The following HTR1F variants were observed in gnomAD, a reference collection of about 807,000 sequenced individuals.
The protein encoded by HTR1F is 5-hydroxytryptamine receptor 1F.
A neutral mutation model predicts 24.0 loss-of-function variants in HTR1F; 17 were observed. The observed-to-expected ratio is 0.71, with a 90% confidence interval of 0.48 to 1.06. HTR1F has a LOEUF of 1.06. HTR1F is among the 50% of genes least tolerant of loss of function. The probability of loss-of-function intolerance (pLI) is 0.00; values close to 1 mark genes in which losing one functional copy is unlikely to be tolerated. For missense variants in HTR1F, 391 were observed against 427.8 expected (o/e 0.91, Z 0.76); for synonymous variants, 186 against 156.8 (o/e 1.19, Z -1.39).
intron 2 of HTR1F, among the ~76,000 whole-genome samples, chr3:87,869,511 A>G (rs1705509366): frequency 6.6e-6 from 1 of 151,282 alleles, no homozygotes; most frequent in Non-Finnish European, 1.5e-5. Context: ...GAACTGTTTT[A>G]TACAATTATG....
chr3:87,849,238 T>C (rs965459958), intron 2 of HTR1F, among the ~76,000 whole-genome samples: 1 of 151,542 alleles, frequency 6.6e-6, no homozygotes, highest in Non-Finnish European at 1.5e-5. Context: ...CAAAACAGCA[T>C]GGTACTGGTA....
chr3:87,881,065 C>T (rs1352929029), intron 2 of HTR1F, among the ~76,000 whole-genome samples: 1 of 152,170 alleles, frequency 6.6e-6, no homozygotes, highest in Non-Finnish European at 1.5e-5. Flanking sequence ...GTTCATCTCA[C>T]TGAGACTGGT....
chr3:87,805,326 T>C (rs1433345133), intron 1 of HTR1F, among the ~76,000 whole-genome samples: 1 of 152,026 alleles, frequency 6.6e-6, no homozygotes, highest in East Asian at 1.9e-4. Flanking sequence ...AATAGCAGTT[T>C]GAGTATAGAT....
At chr3:87,822,342 G>A (rs1164611110) in intron 2 of HTR1F, among the ~76,000 whole-genome samples, 1 of 152,124 alleles carries the variant, frequency 6.6e-6, no homozygotes, top group Non-Finnish European at 1.5e-5. Context: ...GGAGCCTATT[G>A]GAGGAAAATA....
intron 2 of HTR1F, among the ~76,000 whole-genome samples, chr3:87,835,836 G>A (rs1397292631): frequency 1.3e-5 from 2 of 152,032 alleles, no homozygotes; most frequent in Admixed American, 6.6e-5. Flanking sequence ...CTTTCCCTGG[G>A]CACTTATCAG....
At chr3:87,903,456 T>C (rs1380500845) in intron 2 of HTR1F, among the ~76,000 whole-genome samples, 1 of 151,876 alleles carries the variant, frequency 6.6e-6, no homozygotes, top group Non-Finnish European at 1.5e-5. Flanking sequence ...CATCAAAAAG[T>C]GGGCAAAGGA....
chr3:87,827,170 G>T (rs1280173922), intron 2 of HTR1F, among the ~76,000 whole-genome samples: 2 of 149,640 alleles, frequency 1.3e-5, no homozygotes, highest in African/African-American at 2.5e-5. Flanking sequence ...TGCAGAACAT[G>T]CAGGTTCATT....
chr3:87,913,028 G>A (rs961921693), intron 2 of HTR1F, among the ~76,000 whole-genome samples: 1 of 152,052 alleles, frequency 6.6e-6, no homozygotes, highest in Non-Finnish European at 1.5e-5. Context: ...CAGAGCAATA[G>A]GCAAATATTT....
intron 2 of HTR1F, among the ~76,000 whole-genome samples, chr3:87,870,264 T>C (rs1017934060): frequency 2.0e-5 from 3 of 152,134 alleles, no homozygotes; most frequent in Non-Finnish European, 4.4e-5. Context: ...TCATTATATC[T>C]CAAGGAATAT....
At chr3:87,973,476 G>A (rs893970778) in intron 2 of HTR1F, among the ~76,000 whole-genome samples, 2 of 152,144 alleles carry the variant, frequency 1.3e-5, no homozygotes, top group African/African-American at 2.4e-5. Flanking sequence ...TAAAACTCCA[G>A]TGTAACATCT....
At chr3:87,972,970 A>C (rs1705317057) in intron 2 of HTR1F, among the ~76,000 whole-genome samples, 1 of 150,632 alleles carries the variant, frequency 6.6e-6, no homozygotes, top group Admixed American at 6.7e-5. Flanking sequence ...TAGGAGTTCA[A>C]GACCAACCTG....
chr3:87,885,654 G>A (rs1189174048), intron 2 of HTR1F, among the ~76,000 whole-genome samples: 1 of 151,784 alleles, frequency 6.6e-6, no homozygotes, highest in East Asian at 1.9e-4. Context: ...ATGATAAAGG[G>A]GATATCACTA....
At chr3:87,890,111 T>G (rs537515583) in intron 2 of HTR1F, among the ~76,000 whole-genome samples, 1 of 152,336 alleles carries the variant, frequency 6.6e-6, no homozygotes, top group South Asian at 2.1e-4. Context: ...ATATAATACC[T>G]ATGCAGTGTG....
chr3:87,964,825 T>G (rs1029703198), intron 2 of HTR1F, among the ~76,000 whole-genome samples: 20 of 152,302 alleles, frequency 1.3e-4, no homozygotes, highest in African/African-American at 4.6e-4. Flanking sequence ...AAATCTCATC[T>G]TCACTGTAGC....
chr3:87,981,004 T>G (rs940435795), intron 2 of HTR1F, among the ~76,000 whole-genome samples: 8 of 151,032 alleles, frequency 5.3e-5, no homozygotes, highest in African/African-American at 2.0e-4. Flanking sequence ...CCTGGGGGGG[T>G]GGGGCTCCCA....
intron 2 of HTR1F, among the ~76,000 whole-genome samples, chr3:87,963,230 T>C (rs1259527982): frequency 1.3e-5 from 2 of 152,094 alleles, no homozygotes; most frequent in Non-Finnish European, 2.9e-5. Flanking sequence ...TCACAGTTGA[T>C]AATTTAATGT....
At chr3:87,950,907 G>A (rs1168601913) in intron 2 of HTR1F, among the ~76,000 whole-genome samples, 1 of 152,096 alleles carries the variant, frequency 6.6e-6, no homozygotes, top group Non-Finnish European at 1.5e-5. Flanking sequence ...TGCATTAAGG[G>A]TATTTAGACA....
In HTR1F at chr3:87,824,134, G is replaced by C. The variant is rs544662666; in HGVS notation, c.-43+2010G>C. On this transcript the variant is annotated intron_variant, in intron 2 of 2. Transcript: ENST00000319595. ...TATGATTTCTTACTTAGATATCAAA[G>C]AGCTATAAATCTCTCCCTGTATGTC... is the stretch of plus-strand genomic sequence containing the variant. 7.6e-4 allele frequency among the ~76,000 whole-genome samples: 116 copies of C among 151,732 alleles called. 2 individuals are homozygous for C. Among genetic ancestry groups the C allele is most frequent in the Non-Finnish European group, 2.6e-4 (18 of 67,960 alleles).
chr3:87,877,658 G>T (rs1431514589), intron 2 of HTR1F, among the ~76,000 whole-genome samples: 1 of 152,090 alleles, frequency 6.6e-6, no homozygotes, highest in South Asian at 2.1e-4. Context: ...TGATATCCAA[G>T]ATCCCAACTA....
Sources: gnomAD v4.1 joint callset for allele counts (sites outside exome capture counted in the v4.1 genomes callset) on GRCh38, gnomAD v4.1.1 for gene constraint, MANE v1.5 for transcripts, NCBI Gene and HGNC (gene_info 2026-07-23, HGNC 2026-07-21) for gene names.